Variants in ITFG1 observed in about 807,000 individuals in gnomAD.
ITFG1 encodes the protein T-cell immunomodulatory protein.
ITFG1 carries 34 observed loss-of-function variants against 81.8 expected under a neutral mutation model. That is an observed-to-expected ratio of 0.42 (90% CI 0.32 to 0.55). The LOEUF (loss-of-function observed/expected upper bound fraction) is 0.55. ITFG1 is among the 20% of genes least tolerant of loss of function. ITFG1 has a pLI of 0.17. For missense variants in ITFG1, 672 were observed against 755.4 expected, an observed-to-expected ratio of 0.89 and a Z score of 1.29; for synonymous variants, 285 against 270.6, an observed-to-expected ratio of 1.05 and a Z score of -0.52.
intron 8 of ITFG1, among the ~76,000 whole-genome samples, chr16:47,348,666 C>T (rs991745266): frequency 3.3e-5 from 5 of 152,120 alleles, no homozygotes; most frequent in African/African-American, 7.2e-5. Context: ...ACTTCCCCAA[C>T]CTAGCAAGGC....
At chr16:47,302,782 C>T (rs565432318) in intron 10 of ITFG1, among the ~76,000 whole-genome samples, 1 of 152,150 alleles carries the variant, frequency 6.6e-6, no homozygotes, top group Non-Finnish European at 1.5e-5. Context: ...CTAAGCCAGG[C>T]CTTTAAAGCA....
chr16:47,227,168 T>G (rs1221245583), intron 13 of ITFG1, among the ~76,000 whole-genome samples: 1 of 152,216 alleles, frequency 6.6e-6, no homozygotes, highest in Non-Finnish European at 1.5e-5. Flanking sequence ...TAAACTTCAT[T>G]TTTTTCTTCA....
At chr16:47,455,911 C>T (rs559967729) in intron 2 of ITFG1, among the ~76,000 whole-genome samples, 2 of 151,666 alleles carry the variant, frequency 1.3e-5, no homozygotes, top group African/African-American at 4.8e-5. Flanking sequence ...AGGATGAACC[C>T]AGGCAGACTA....
At chr16:47,314,097 G>C (rs1032048027) in intron 8 of ITFG1, among the ~76,000 whole-genome samples, 8 of 152,014 alleles carry the variant, frequency 5.3e-5, no homozygotes, top group Non-Finnish European at 1.0e-4. Flanking sequence ...AAACTACTGG[G>C]TCCTATGCTA....
intron 14 of ITFG1, among the ~76,000 whole-genome samples, chr16:47,190,653 C>T (rs1188929131): frequency 2.0e-5 from 3 of 152,164 alleles, no homozygotes; most frequent in South Asian, 2.1e-4. Context: ...TGTCTTTATC[C>T]GTGTCAATAC....
At chr16:47,414,101 G>A (rs1031280794) in intron 6 of ITFG1, among the ~76,000 whole-genome samples, 3 of 151,896 alleles carry the variant, frequency 2.0e-5, no homozygotes, top group South Asian at 2.1e-4. Context: ...GATTACAGGC[G>A]TGAGCCACCA....
intron 14 of ITFG1, among the ~76,000 whole-genome samples, chr16:47,184,150 G>T (rs148428892): frequency 6.6e-6 from 1 of 152,302 alleles, no homozygotes; most frequent in South Asian, 2.1e-4. Context: ...ATCTACGTGT[G>T]ACTGGTGTAC....
In ITFG1 at chr16:47,417,917, T is replaced by C. The variant is rs145686749; in HGVS notation, c.655+10887A>G. 4.7e-4 allele frequency among the ~76,000 whole-genome samples: 71 copies of C among 152,294 alleles called. No individual in the cohort carries two copies. In the East Asian group the frequency reaches 0.014, roughly 29 times the overall value. On this transcript the variant is annotated intron_variant, in intron 6 of 17. Coordinates refer to ENST00000320640, the MANE Select transcript of ITFG1 (RefSeq NM_030790.5). ...CCATTGGTGGGATTGCTGGATGGTATGGTAGTTCCATTTTTAGTTTTTGTG... is the reference window on the plus strand; with the variant it reads ...CCATTGGTGGGATTGCTGGATGGTACGGTAGTTCCATTTTTAGTTTTTGTG...
intron 13 of ITFG1, among the ~76,000 whole-genome samples, chr16:47,222,500 G>A (rs1331951512): frequency 2.0e-5 from 3 of 147,944 alleles, no homozygotes; most frequent in East Asian, 2.0e-4. Context: ...TGCAAGCTCC[G>A]CCTCCCAGGT....
intron 8 of ITFG1, among the ~76,000 whole-genome samples, chr16:47,324,073 G>A (rs553111115): frequency 1.3e-4 from 20 of 151,858 alleles, no homozygotes; most frequent in South Asian, 6.3e-4. Flanking sequence ...TATAATGTTC[G>A]TTCATATGTC....
intron 13 of ITFG1, among the ~76,000 whole-genome samples, chr16:47,219,600 C>T (rs1965666525): frequency 6.6e-6 from 1 of 152,036 alleles, no homozygotes; most frequent in African/African-American, 2.4e-5. Context: ...AATGGACATC[C>T]TAAGATGACA....
intron 6 of ITFG1, among the ~76,000 whole-genome samples, chr16:47,378,778 GTAAT>G (rs1434762761): frequency 2.6e-5 from 4 of 151,926 alleles, no homozygotes; most frequent in Non-Finnish European, 5.9e-5. Flanking sequence ...TTAATTATTA[GTAAT>G]TAAATATAAA....
intron 10 of ITFG1, among the ~76,000 whole-genome samples, chr16:47,309,319 C>T (rs574461536): frequency 6.6e-6 from 1 of 152,094 alleles, no homozygotes; most frequent in Non-Finnish European, 1.5e-5. Flanking sequence ...ATCCGCGTGC[C>T]TCGGCCTCCC....
rs67791708 is a variant in ITFG1 at position 47,409,318 on chromosome 16, AT to A, written c.655+19485del. ...ATATAACCGAAATACCAAAAAAAAAATCCAACTGGATCACAGATTTAAATGC... is the reference window on the plus strand; with the variant it reads ...ATATAACCGAAATACCAAAAAAAAAACCAACTGGATCACAGATTTAAATGC... On this transcript the variant is annotated intron_variant, in intron 6 of 17. Coordinates refer to ENST00000320640, the MANE Select transcript of ITFG1 (RefSeq NM_030790.5). 3.7e-3 allele frequency among the ~76,000 whole-genome samples: 509 copies of A among 138,910 alleles called. 6 individuals are homozygous for A. The highest frequency in any genetic ancestry group is 0.013 in the African/African-American group (488 of 37,768). 91.1% of individuals were successfully genotyped at this position (138,910 alleles called of 152,430 possible). A position where few individuals can be genotyped will look rare whatever the true frequency, so the allele number is the denominator to read the frequency against.
chr16:47,416,857 A>C (rs1968881818), intron 6 of ITFG1, among the ~76,000 whole-genome samples: 1 of 152,262 alleles, frequency 6.6e-6, no homozygotes, highest in Non-Finnish European at 1.5e-5. Context: ...ACAGTGTTCT[A>C]GGAATGAATA....
chr16:47,204,047 T>G (rs1965461390), intron 14 of ITFG1, among the ~76,000 whole-genome samples: 1 of 152,208 alleles, frequency 6.6e-6, no homozygotes, highest in Non-Finnish European at 1.5e-5. Flanking sequence ...TATATGTATT[T>G]CACCACAATT....
chr16:47,313,614 A>G, intron 9 of ITFG1, 115 bp downstream of exon 9: 1 of 426,426 alleles, frequency 2.3e-6, no homozygotes. Flanking sequence ...GGAAGTCGGT[A>G]ACTTAATTTT....
At chr16:47,461,131 G>T (rs1426079360), upstream of ITFG1, 2 of 1,309,656 alleles carry the variant, frequency 1.5e-6, no homozygotes, top group Non-Finnish European at 2.0e-6. Context: ...AGAGAGTGGC[G>T]CGCAGCCCCG....
chr16:47,208,812 A>T (rs1451685961), intron 14 of ITFG1, among the ~76,000 whole-genome samples: 1 of 152,232 alleles, frequency 6.6e-6, no homozygotes, highest in Non-Finnish European at 1.5e-5. Context: ...AATCAGTGTT[A>T]TCACATTTGT....
Sources: allele counts gnomAD v4.1 joint callset (sites outside exome capture counted in the v4.1 genomes callset), GRCh38; gene constraint gnomAD v4.1.1; transcripts MANE v1.5; gene names NCBI Gene and HGNC (gene_info 2026-07-23, HGNC 2026-07-21).